Variants in TRIP12 observed in about 807,000 individuals in gnomAD.
TRIP12 encodes the protein thyroid hormone receptor interactor 12, also known as E3 ubiquitin-protein ligase TRIP12.
Under a neutral mutation model 244.2 loss-of-function variants are expected in TRIP12, and 25 were observed. The ratio of observed to expected loss-of-function variants is 0.10; its 90% CI spans 0.07 to 0.14. The LOEUF (loss-of-function observed/expected upper bound fraction) is 0.14, where lower values mean the gene tolerates loss of function less well. Among genes scored for constraint, TRIP12 ranks in the 10% least tolerant of loss-of-function variants. The probability of loss-of-function intolerance (pLI) is 1.00; values close to 1 mark genes in which losing one functional copy is unlikely to be tolerated. For synonymous variants in TRIP12, 905 were observed against 873.1 expected (o/e 1.04, Z -0.64); for missense variants, 1,677 against 2,486.4 (o/e 0.67, Z 6.92).
intron 5 of TRIP12, 114 bp from the exon 6 acceptor site, chr2:229,837,098 T>G (rs2055024336): frequency 8.6e-7 from 1 of 1,167,082 alleles, no homozygotes; most frequent in Non-Finnish European, 1.1e-6. Flanking sequence ...TTCGTCCTCT[T>G]TTTAAATAAA....
At chr2:229,916,597 T>C (rs1376236832) in intron 1 of TRIP12, among the ~76,000 whole-genome samples, 1 of 152,136 alleles carries the variant, frequency 6.6e-6, no homozygotes, top group Non-Finnish European at 1.5e-5. Context: ...CTACTGCCAA[T>C]AGCTTCTGCA....
chr2:229,772,368 AAGTC>A (rs2034669919), intron 38 of TRIP12, among the ~76,000 whole-genome samples: 1 of 152,216 alleles, frequency 6.6e-6, no homozygotes, highest in African/African-American at 2.4e-5. Flanking sequence ...AGCTTTCACA[AAGTC>A]AGTAGAAGAA....
chr2:229,807,203 GATTTT>G (rs1341777629), intron 17 of TRIP12: 3 of 155,520 alleles, frequency 1.9e-5, no homozygotes, highest in Non-Finnish European at 1.4e-5. Context: ...ATTCATATTT[GATTTT>G]ATATCATTAA....
intron 4 of TRIP12, among the ~76,000 whole-genome samples, chr2:229,858,260 G>C (rs536143304): frequency 6.6e-6 from 1 of 152,252 alleles, no homozygotes; most frequent in South Asian, 2.1e-4. Context: ...TTACTCTGGA[G>C]GCCAAGGCAA....
At position 229,802,386 on chromosome 2, in the gene TRIP12, A is replaced by G. The variant is rs377605104; in HGVS notation, c.3072T>C (p.Asn1024=). The stretch of plus-strand genomic sequence containing the variant: ...TTGTGGATCCCATGGATCCCGATCC[A>G]TTCGTACATGCCTTTGGTGGACTTG... ...LLTSPPKACT[N]GSGSMGSTTS... is the part of the protein sequence containing the mutation. The change falls in exon 21 of 42, where the codon AAT becomes AAC. Residue 1024 remains asparagine (N), a synonymous_variant. Transcript: ENST00000675903. 1.5e-4 allele frequency: 237 copies of G among 1,613,950 alleles called. No homozygotes were observed. Among genetic ancestry groups the G allele is most frequent in the Non-Finnish European group, 2.0e-4 (234 of 1,179,996 alleles).
At chr2:229,911,319 A>C (rs2154377575) in intron 1 of TRIP12, among the ~76,000 whole-genome samples, 1 of 152,366 alleles carries the variant, frequency 6.6e-6, no homozygotes, top group Middle Eastern at 3.4e-3. Flanking sequence ...GTCTGTAAGA[A>C]CACACCAGAA....
Position 229,805,796 on chromosome 2 carries a change from T to C in TRIP12, c.2584A>G (p.Asn862Asp). ...TIDFNSMQQI[N>D]EDTGTARAIQ... ...GCACGTGCTGTTCCCGTGTCCTCATTGATTTGCTGCATAGAATTAAAATCA... is the reference window on the plus strand; with the variant it reads ...GCACGTGCTGTTCCCGTGTCCTCATCGATTTGCTGCATAGAATTAAAATCA... The change falls in exon 18 of 42, where the codon AAT becomes GAT. Residue 862 changes from asparagine (N) to aspartate (D), a missense_variant. Asn to Asp is a conservative substitution (Grantham distance 23). Coordinates refer to ENST00000675903, the MANE Select transcript of TRIP12 (RefSeq NM_001348323.3). 1 of 1,611,702 alleles carries C rather than the reference T, an allele frequency of 6.2e-7. No individual in the cohort carries two copies. The highest frequency in any genetic ancestry group is 8.5e-7 in the Non-Finnish European group (1 of 1,178,042).
Position 229,777,499 on chromosome 2 carries a change from A to G in TRIP12, c.5365-20T>C. 1 of 1,612,816 alleles carries G rather than the reference A, an allele frequency of 6.2e-7. No individual in the cohort carries two copies. The highest frequency in any genetic ancestry group is 1.1e-5 in the South Asian group (1 of 91,028). ...GTCCACCTGAAATGGAATATGCATA[A>G]TATTTTCACTGTCACACTGAACTTC... On this transcript the variant is annotated intron_variant, in intron 36 of 41. Transcript: ENST00000675903.
chr2:229,922,259 C>A, upstream of TRIP12: 1 of 510,122 alleles, frequency 2.0e-6, no homozygotes, highest in Non-Finnish European at 3.5e-6. Flanking sequence ...ACTTGGTATC[C>A]CTCCGCCGGG....
At chr2:229,874,954 T>A (rs1465311267) in intron 2 of TRIP12, among the ~76,000 whole-genome samples, 1 of 152,208 alleles carries the variant, frequency 6.6e-6, no homozygotes, top group Non-Finnish European at 1.5e-5. Flanking sequence ...ATAAAAACGC[T>A]ACTGCATTGC....
chr2:229,855,504 AATG>A (rs1415740844), intron 4 of TRIP12, among the ~76,000 whole-genome samples: 1 of 151,998 alleles, frequency 6.6e-6, no homozygotes, highest in Non-Finnish European at 1.5e-5. Context: ...CAATACTATC[AATG>A]AAGGACCAAA....
intron 1 of TRIP12, among the ~76,000 whole-genome samples, chr2:229,913,291 C>A (rs1474071923): frequency 6.6e-6 from 1 of 152,134 alleles, no homozygotes; most frequent in African/African-American, 2.4e-5. Context: ...CAGAATATTT[C>A]TCTATGCTAA....
chr2:229,794,653 G>T (rs1349663417), intron 26 of TRIP12, among the ~76,000 whole-genome samples: 2 of 152,042 alleles, frequency 1.3e-5, no homozygotes, highest in African/African-American at 2.4e-5. Context: ...CATGAAACTT[G>T]TAACATTCCA....
In TRIP12 at chr2:229,778,508, A is replaced by G; in HGVS notation, c.5289T>C (p.Ala1763=). 1 of 1,614,044 alleles carries G rather than the reference A, an allele frequency of 6.2e-7. No homozygotes were observed. Among genetic ancestry groups the G allele is most frequent in the Non-Finnish European group, 8.5e-7 (1 of 1,179,928 alleles). Residue 1763 remains alanine (A), a synonymous_variant, in exon 36 of 42, where the codon GCT becomes GCC. Coordinates refer to ENST00000675903, the MANE Select transcript of TRIP12 (RefSeq NM_001348323.3). This position sits in a 1 kb window ranked among gnomAD's most constrained non-coding sequence, Gnocchi z 4.1. ...ALPFGRTAKP[A]HIAKVKMKFR... The stretch of plus-strand genomic sequence containing the variant: ...ACTTCATCTTAACCTTTGCGATATG[A>G]GCTGGCTTTGCTGTCCTACCAAAGG...
intron 8 of TRIP12, among the ~76,000 whole-genome samples, chr2:229,820,380 C>T (rs1262017187): frequency 3.9e-5 from 6 of 152,034 alleles, no homozygotes; most frequent in Non-Finnish European, 7.4e-5. Context: ...CAACAAAAAG[C>T]CAAAACCATA....
At chr2:229,841,072 C>T (rs2056314136) in intron 4 of TRIP12, 145 bp from the exon 5 acceptor site, 7 of 619,412 alleles carry the variant, frequency 1.1e-5, no homozygotes, top group Non-Finnish European at 1.9e-5. Context: ...TTTATTTCCA[C>T]AGCCTATTCA....
chr2:229,915,078 C>T (rs960450966), intron 1 of TRIP12, among the ~76,000 whole-genome samples: 3 of 152,138 alleles, frequency 2.0e-5, no homozygotes, highest in Middle Eastern at 3.4e-3. Flanking sequence ...CAGAGTGAAA[C>T]CTGTCTCTAC....
chr2:229,910,087 C>A (rs2073970111), intron 1 of TRIP12, among the ~76,000 whole-genome samples: 1 of 152,140 alleles, frequency 6.6e-6, no homozygotes, highest in Non-Finnish European at 1.5e-5. Flanking sequence ...AAAATAGAAA[C>A]AATTCCAGAA....
intron 39 of TRIP12, among the ~76,000 whole-genome samples, chr2:229,769,813 G>C (rs2154229368): frequency 6.6e-6 from 1 of 152,326 alleles, no homozygotes; most frequent in South Asian, 2.1e-4. Flanking sequence ...ACACTTTGTA[G>C]AGAGGCATGT....
Sources: gnomAD v4.1 joint callset for allele counts (sites outside exome capture counted in the v4.1 genomes callset) on GRCh38, gnomAD v4.1.1 for gene constraint, Gnocchi (gnomAD v3.1) non-coding constraint, MANE v1.5 for transcripts, NCBI Gene and HGNC (gene_info 2026-07-23, HGNC 2026-07-21) for gene names.